The following AK5 variants were observed in gnomAD, a reference collection of about 807,000 sequenced individuals.
AK5 encodes adenylate kinase 5.
In AK5, 27 loss-of-function variants were observed where a neutral mutation model predicts 69.5. That is an observed-to-expected ratio of 0.39 (90% confidence interval 0.29 to 0.54). The LOEUF is 0.54. Among genes scored for constraint, AK5 ranks in the 20% least tolerant of loss-of-function variants. The pLI is 0.71. For missense variants in AK5, 531 were observed against 700.4 expected (o/e 0.76, Z 2.73); for synonymous variants, 260 against 244.4 (o/e 1.06, Z -0.60).
chr1:77,454,993 T>C (rs531160810), intron 8 of AK5, among the ~76,000 whole-genome samples: 2 of 152,366 alleles, frequency 1.3e-5, no homozygotes, highest in South Asian at 4.1e-4. Context: ...CAAGCAATGA[T>C]GATTAACAGC....
chr1:77,433,375 G>C (rs1651766227), intron 8 of AK5, among the ~76,000 whole-genome samples: 1 of 152,134 alleles, frequency 6.6e-6, no homozygotes, highest in Admixed American at 6.5e-5. Flanking sequence ...TTGCCAGCAA[G>C]AATAGTGATT....
At chr1:77,493,765 A>G (rs1377884769) in intron 10 of AK5, among the ~76,000 whole-genome samples, 1 of 152,204 alleles carries the variant, frequency 6.6e-6, no homozygotes, top group East Asian at 1.9e-4. Context: ...ATGGTAGAGT[A>G]AAGAAAAAGA....
intron 8 of AK5, among the ~76,000 whole-genome samples, chr1:77,463,853 T>C (rs2100681610): frequency 6.6e-6 from 1 of 152,288 alleles, no homozygotes; most frequent in South Asian, 2.1e-4. Flanking sequence ...TTGTCCAAGC[T>C]TGGTTCAGGT....
intron 8 of AK5, among the ~76,000 whole-genome samples, chr1:77,474,871 C>A (rs549051485): frequency 6.6e-5 from 10 of 152,128 alleles, no homozygotes; most frequent in Non-Finnish European, 1.3e-4. Flanking sequence ...GTGGTGCAAT[C>A]ACAGCTCACT....
At chr1:77,474,580 G>A (rs926938540) in intron 8 of AK5, among the ~76,000 whole-genome samples, 5 of 152,186 alleles carry the variant, frequency 3.3e-5, no homozygotes, top group Admixed American at 6.5e-5. Flanking sequence ...TGCAGGGAAA[G>A]CATTAATTAG....
At chr1:77,294,036 C>T (rs1481954371) in intron 3 of AK5, 76 bp downstream of exon 3, 2 of 1,314,884 alleles carry the variant, frequency 1.5e-6, no homozygotes, top group Admixed American at 2.4e-5. Flanking sequence ...AAAAGTAAAT[C>T]ATATATGTGC....
chr1:77,432,018 G>C (rs1021778654), intron 8 of AK5, among the ~76,000 whole-genome samples: 1 of 152,088 alleles, frequency 6.6e-6, no homozygotes, highest in Non-Finnish European at 1.5e-5. Flanking sequence ...AATTTTTTGT[G>C]GTAGTTTTGT....
chr1:77,414,133 C>T (rs967212436), intron 7 of AK5, among the ~76,000 whole-genome samples: 2 of 152,124 alleles, frequency 1.3e-5, no homozygotes, highest in Non-Finnish European at 2.9e-5. Context: ...CATTTTTAGT[C>T]ATTTGGTACG....
At chr1:77,421,553 G>A (rs1184444951) in intron 8 of AK5, among the ~76,000 whole-genome samples, 1 of 152,198 alleles carries the variant, frequency 6.6e-6, no homozygotes, top group Non-Finnish European at 1.5e-5. Flanking sequence ...GCATTTAATT[G>A]CACATTACCT....
At chr1:77,379,932 A>G (rs1192341065) in intron 6 of AK5, among the ~76,000 whole-genome samples, 1 of 152,238 alleles carries the variant, frequency 6.6e-6, no homozygotes, top group East Asian at 1.9e-4. Flanking sequence ...TATTTATTGT[A>G]AGAAGGCTGG....
chr1:77,431,551 G>T (rs951758161), intron 8 of AK5, among the ~76,000 whole-genome samples: 1 of 152,114 alleles, frequency 6.6e-6, no homozygotes, highest in Non-Finnish European at 1.5e-5. Flanking sequence ...GGAAGGAAGT[G>T]GGTAGAGAAC....
intron 8 of AK5, among the ~76,000 whole-genome samples, chr1:77,433,312 A>G (rs527532287): frequency 6.6e-6 from 1 of 152,202 alleles, no homozygotes; most frequent in Non-Finnish European, 1.5e-5. Context: ...TTTACCAAAG[A>G]TAATCACAGT....
intron 10 of AK5, among the ~76,000 whole-genome samples, chr1:77,516,068 CAAAGAAAAAAAAG>C: frequency 6.7e-6 from 1 of 150,172 alleles, no homozygotes; most frequent in East Asian, 1.9e-4. Flanking sequence ...GACCCTATCT[CAAAGAAAAAAAAG>C]AAAGAAAGAA....
intron 8 of AK5, among the ~76,000 whole-genome samples, chr1:77,457,657 T>C (rs1329001635): frequency 6.6e-6 from 1 of 151,898 alleles, no homozygotes; most frequent in African/African-American, 2.4e-5. Context: ...CTAAATTTTC[T>C]TTGTCTGTTG....
intron 10 of AK5, among the ~76,000 whole-genome samples, chr1:77,490,132 C>G (rs1655890847): frequency 6.6e-6 from 1 of 151,500 alleles, no homozygotes. Flanking sequence ...CCATAACAAC[C>G]AAAATTGCAA....
At chr1:77,285,788 T>TA (rs1172368393) in intron 1 of AK5, among the ~76,000 whole-genome samples, 2 of 147,952 alleles carry the variant, frequency 1.4e-5, no homozygotes, top group Non-Finnish European at 3.0e-5. Flanking sequence ...CAAATAGTAA[T>TA]TTTTTTTTTT....
chr1:77,511,091 G>T (rs1223628534), intron 10 of AK5, among the ~76,000 whole-genome samples: 2 of 151,556 alleles, frequency 1.3e-5, no homozygotes, highest in African/African-American at 4.8e-5. Context: ...TGGTAAAATA[G>T]TACCACAGTA....
At chr1:77,469,517 C>G (rs1654335286) in intron 8 of AK5, among the ~76,000 whole-genome samples, 1 of 152,190 alleles carries the variant, frequency 6.6e-6, no homozygotes, top group Non-Finnish European at 1.5e-5. Context: ...CTTACCTAAC[C>G]AGCCCCTACA....
chr1:77,340,386 C>A lies in AK5; in HGVS notation c.709C>A (p.Pro237Thr). 1.2e-6 allele frequency: 2 copies of A among 1,613,668 alleles called. No homozygotes were observed. Among genetic ancestry groups the A allele is most frequent in the Non-Finnish European group, 1.7e-6 (2 of 1,179,702 alleles). ...ALSFEDQICT[P>T]DLVVFLACAN... is the part of the protein sequence containing the mutation. Reference sequence around the variant, plus strand: ...TTGATGCTCTCCACAGATCTGTACCCCCGATTTGGTGGTATTCCTGGCTTG... The same window carrying A: ...TTGATGCTCTCCACAGATCTGTACCACCGATTTGGTGGTATTCCTGGCTTG... Residue 237 changes from proline (P) to threonine (T), a missense_variant, in exon 6 of 14, where the codon CCC becomes ACC. Coordinates refer to ENST00000354567, the MANE Select transcript of AK5 (RefSeq NM_174858.3).
Sources: allele counts gnomAD v4.1 joint callset (sites outside exome capture counted in the v4.1 genomes callset), GRCh38; gene constraint gnomAD v4.1.1; transcripts MANE v1.5; gene names NCBI Gene and HGNC (gene_info 2026-07-23, HGNC 2026-07-21).